Variants in DMD observed in about 807,000 individuals in gnomAD.
The protein encoded by DMD is mutant dystrophin.
A neutral mutation model predicts 330.1 loss-of-function variants in DMD; 63 were observed. That is an observed-to-expected ratio of 0.19 (90% CI 0.16 to 0.24). DMD has a LOEUF of 0.24. Ranked by LOEUF, DMD falls within the 10% of genes least tolerant of loss-of-function variation. The pLI is 1.00. For missense variants in DMD, 3,344 were observed against 2,684.1 expected, an observed-to-expected ratio of 1.25 and a Z score of -5.43; for synonymous variants, 1,223 against 959.8, an observed-to-expected ratio of 1.27 and a Z score of -5.07.
intron 37 of DMD, 100 bp from the exon 38 acceptor site, chrX:32,348,628 T>C: frequency 1.4e-6 from 1 of 739,345 alleles, no homozygotes; most frequent in Non-Finnish European, 2.0e-6. Context: ...GCTAAACTAA[T>C]CACATGCATT....
intron 9 of DMD, among the ~76,000 whole-genome samples, chrX:32,662,653 G>A (rs192195325): frequency 3.6e-5 from 4 of 111,561 alleles, no homozygotes; most frequent in Admixed American, 2.9e-4. Context: ...ATTATTCTGG[G>A]AGTAGTTTAT....
intron 9 of DMD, among the ~76,000 whole-genome samples, chrX:32,679,902 CTT>C (rs766270656): frequency 8.1e-4 from 19 of 23,584 alleles, no homozygotes; most frequent in African/African-American, 3.0e-3. Flanking sequence ...AATATTTGTA[CTT>C]TTTTTTTTTT....
intron 12 of DMD, among the ~76,000 whole-genome samples, chrX:32,609,575 C>T (rs2057001403): frequency 9.0e-6 from 1 of 110,871 alleles, no homozygotes; most frequent in African/African-American, 3.3e-5. Context: ...AATGTCAGAT[C>T]CTTTGGCAGA....
chrX:31,757,010 C>T (rs746429749), intron 51 of DMD, among the ~76,000 whole-genome samples: 1 of 107,732 alleles, frequency 9.3e-6, no homozygotes, highest in Non-Finnish European at 1.9e-5. Flanking sequence ...TACCTTATAT[C>T]AAGAAATAAT....
At chrX:31,193,648 G>C (rs913179776) in intron 67 of DMD, among the ~76,000 whole-genome samples, 1 of 111,651 alleles carries the variant, frequency 9.0e-6, no homozygotes, top group Non-Finnish European at 1.9e-5. Context: ...TCATTACAAA[G>C]GGAAAAGGAT....
intron 52 of DMD, among the ~76,000 whole-genome samples, chrX:31,705,971 T>C (rs911721321): frequency 4.5e-5 from 5 of 111,473 alleles, no homozygotes; most frequent in African/African-American, 1.6e-4. Flanking sequence ...GGTTATATTA[T>C]TCTTACTTTC....
At chrX:32,488,339 G>T (rs997345130) in intron 20 of DMD, among the ~76,000 whole-genome samples, 2 of 110,972 alleles carry the variant, frequency 1.8e-5, no homozygotes, top group African/African-American at 3.3e-5. Flanking sequence ...TCACAGGAAA[G>T]GGTTCATGAA....
intron 60 of DMD, among the ~76,000 whole-genome samples, chrX:31,369,817 C>A (rs1157716638): frequency 1.8e-5 from 2 of 111,399 alleles, no homozygotes; most frequent in African/African-American, 6.5e-5. Flanking sequence ...AAAAATAAAC[C>A]TCAACTTAAA....
intron 63 of DMD, among the ~76,000 whole-genome samples, chrX:31,260,160 T>C (rs1048591145): frequency 1.8e-5 from 2 of 111,725 alleles, no homozygotes; most frequent in Non-Finnish European, 3.8e-5. Flanking sequence ...AGAACCGCCA[T>C]GAGCCCAGGG....
At chrX:32,442,820 C>T (rs1454035723) in intron 27 of DMD, among the ~76,000 whole-genome samples, 1 of 110,690 alleles carries the variant, frequency 9.0e-6, no homozygotes, top group Non-Finnish European at 1.9e-5. Flanking sequence ...TGAAAAATCT[C>T]ATCAAAAAGA....
chrX:32,861,717 C>T (rs966976050), intron 2 of DMD, among the ~76,000 whole-genome samples: 4 of 111,651 alleles, frequency 3.6e-5, no homozygotes, highest in Non-Finnish European at 7.5e-5. Context: ...CCCTCTCTTA[C>T]CAAGGCTCTC....
Position 32,452,371 on chromosome X carries a change from GA to G in DMD, c.3603+2290del, listed in dbSNP as rs1426916581. On this transcript the variant is annotated intron_variant, in intron 26 of 78. Coordinates refer to ENST00000357033, the MANE Select transcript of DMD (RefSeq NM_004006.3). Reference sequence around the variant, plus strand: ...GGAAAGGGAAAGGGAAAGGGAAAGGGAAAGGGAAAGGGAAAGGGAAAGGGAA... The same window carrying G: ...GGAAAGGGAAAGGGAAAGGGAAAGGGAAGGGAAAGGGAAAGGGAAAGGGAA... 2.6e-3 allele frequency among the ~76,000 whole-genome samples: 41 copies of G among 16,050 alleles called. 6 individuals are homozygous for G. Among genetic ancestry groups the G allele is most frequent in the Non-Finnish European group, 3.6e-3 (29 of 8,075 alleles). The allele number at this position is 16,050 out of a possible 115,157, so 13.9% of individuals were successfully genotyped here.
rs752492899 is a variant in DMD at position 32,842,397 on chromosome X, TAAAC to T, written c.264+2382_264+2385del. ...TATTCTTTTGCTCATTGTAATAGTG[TAAAC>T]AAACAAACAAACAAAAAAACCCACA... On this transcript the variant is annotated intron_variant, in intron 4 of 78. Transcript: ENST00000357033. 3.3e-4 allele frequency among the ~76,000 whole-genome samples: 37 copies of T among 112,003 alleles called. No homozygotes were observed. The South Asian group carries it at 8.9e-3, about 27-fold the overall frequency.
At chrX:32,317,084 C>A (rs2097585141) in intron 41 of DMD, among the ~76,000 whole-genome samples, 1 of 111,104 alleles carries the variant, frequency 9.0e-6, no homozygotes, top group South Asian at 3.7e-4. Context: ...TCCCGTCTAA[C>A]CTTTTGAAAA....
At chrX:32,499,509 G>A (rs956704075) in intron 19 of DMD, among the ~76,000 whole-genome samples, 5 of 111,303 alleles carry the variant, frequency 4.5e-5, no homozygotes, top group African/African-American at 1.6e-4. Flanking sequence ...TTTACATGAG[G>A]TCCTAAATGA....
chrX:31,355,596 C>G (rs2058628329), intron 60 of DMD, among the ~76,000 whole-genome samples: 1 of 111,655 alleles, frequency 9.0e-6, no homozygotes, highest in Admixed American at 9.5e-5. Context: ...AAATGACTCT[C>G]CAGTCTATTC....
In DMD at chrX:32,775,307, C is replaced by A. The variant is rs2074026347; in HGVS notation, c.649+34186G>T. 3.6e-5 allele frequency among the ~76,000 whole-genome samples: 4 copies of A among 112,490 alleles called. 1 individual carries two copies. The South Asian group carries it at 1.5e-3, about 41-fold the overall frequency. On this transcript the variant is annotated intron_variant, in intron 7 of 78. Transcript: ENST00000357033. The stretch of plus-strand genomic sequence containing the variant: ...CTAGATGGTGGGCCTCTTCTCATGG[C>A]TCCACTAGGCAGTGCCCCAGTGAGG...
chrX:32,134,138 T>C (rs2096713058), intron 44 of DMD, among the ~76,000 whole-genome samples: 1 of 111,682 alleles, frequency 9.0e-6, no homozygotes, highest in Non-Finnish European at 1.9e-5. Context: ...TTCTTTTTTT[T>C]CACAGCACTT....
At chrX:31,266,682 G>T in intron 62 of DMD, 1 of 696,557 alleles carries the variant, frequency 1.4e-6, no homozygotes, top group Non-Finnish European at 2.2e-6. Flanking sequence ...TAGACGCCCA[G>T]CCGCCCGGCG....
Sources: gnomAD v4.1 joint callset for allele counts (sites outside exome capture counted in the v4.1 genomes callset) on GRCh38, gnomAD v4.1.1 for gene constraint, MANE v1.5 for transcripts, NCBI Gene and HGNC (gene_info 2026-07-23, HGNC 2026-07-21) for gene names.